HS6ST2: variants seen among roughly 807,000 people sequenced by gnomAD.
HS6ST2 encodes heparan-sulfate 6-O-sulfotransferase 2.
A neutral mutation model predicts 33.0 loss-of-function variants in HS6ST2; 17 were observed. The ratio of observed to expected loss-of-function variants is 0.52; its 90% CI spans 0.35 to 0.77. The LOEUF (loss-of-function observed/expected upper bound fraction) is 0.77. Among genes scored for constraint, HS6ST2 ranks in the 30% least tolerant of loss-of-function variants. The pLI is 0.01. For synonymous variants in HS6ST2, 248 were observed against 237.1 expected (o/e 1.05, Z -0.42); for missense variants, 519 against 551.7 (o/e 0.94, Z 0.59).
At chrX:132,836,217 T>C (rs1013407128) in intron 2 of HS6ST2, among the ~76,000 whole-genome samples, 9 of 112,155 alleles carry the variant, frequency 8.0e-5, no homozygotes, top group African/African-American at 2.6e-4. Flanking sequence ...TGCAACACTT[T>C]GTGCTGGGTT....
chrX:132,870,058 C>A (rs911186605), intron 2 of HS6ST2, among the ~76,000 whole-genome samples: 33 of 111,481 alleles, frequency 3.0e-4, no homozygotes, highest in Non-Finnish European at 5.3e-4. Context: ...TAATAAACAA[C>A]TTCAGCAAAG....
chrX:132,905,841 T>C (rs961801732), intron 2 of HS6ST2, among the ~76,000 whole-genome samples: 1 of 111,672 alleles, frequency 9.0e-6, no homozygotes, highest in African/African-American at 3.3e-5. Context: ...CTAGGCAACA[T>C]AGTGGGACAC....
intron 3 of HS6ST2, among the ~76,000 whole-genome samples, chrX:132,673,080 A>G (rs1424398211): frequency 2.7e-5 from 3 of 112,424 alleles, no homozygotes; most frequent in Non-Finnish European, 5.6e-5. Context: ...AATTTTAAGA[A>G]TTAATTTTCA....
At chrX:132,861,144 T>C (rs2065907734) in intron 2 of HS6ST2, among the ~76,000 whole-genome samples, 1 of 111,461 alleles carries the variant, frequency 9.0e-6, no homozygotes, top group African/African-American at 3.3e-5. Context: ...CAAATGTGTA[T>C]CCTGCTGTTT....
intron 2 of HS6ST2, among the ~76,000 whole-genome samples, chrX:132,775,425 A>G (rs1048312791): frequency 9.0e-6 from 1 of 111,647 alleles, no homozygotes; most frequent in Admixed American, 9.6e-5. Context: ...CTCTCACACA[A>G]TAAGAGGCAT....
At chrX:132,923,499 A>T (rs1011783693) in intron 2 of HS6ST2, among the ~76,000 whole-genome samples, 8 of 111,524 alleles carry the variant, frequency 7.2e-5, no homozygotes, top group African/African-American at 2.6e-4. Context: ...GATGTTACTA[A>T]TCCCTGTTAT....
chrX:132,910,724 T>A (rs989003465), intron 2 of HS6ST2, among the ~76,000 whole-genome samples: 3 of 111,878 alleles, frequency 2.7e-5, no homozygotes, highest in Non-Finnish European at 5.6e-5. Context: ...CTTATATTCC[T>A]TTGTTCCAGG....
At chrX:132,719,007 G>C (rs5977738) in intron 2 of HS6ST2, among the ~76,000 whole-genome samples, 54,570 of 110,124 alleles carry the variant, frequency 0.5, 10,051 homozygotes, top group Middle Eastern at 0.57. Context: ...GTTAACCAAG[G>C]GGGGGAAGAA....
At chrX:132,814,088 C>A (rs1051477592) in intron 2 of HS6ST2, among the ~76,000 whole-genome samples, 5 of 110,907 alleles carry the variant, frequency 4.5e-5, no homozygotes, top group Non-Finnish European at 9.4e-5. Flanking sequence ...GGATTACAGG[C>A]ACCCACCACC....
chrX:132,958,338 G>A lies in HS6ST2; in HGVS notation c.265C>T (p.Leu89=). The A allele has an allele frequency of 2.5e-6, 3 of 1,198,197 alleles. No individual in the cohort carries two copies. Among genetic ancestry groups the A allele is most frequent in the South Asian group, 3.5e-5 (2 of 56,494 alleles). ...AGAACAPLFA[L]LSRGRRRRMH... ...CGCCTGCGGCGGCCCCGGGACAGCA[G>A]CGCGAAAAGCGGGGCGCACGCGGCT... The change falls in exon 1 of 5, where the codon CTG becomes TTG. Residue 89 remains leucine, a synonymous_variant. Coordinates refer to ENST00000370833, the MANE Select transcript of HS6ST2 (RefSeq NM_001394073.1).
intron 2 of HS6ST2, among the ~76,000 whole-genome samples, chrX:132,928,824 A>C (rs1386006318): frequency 3.6e-5 from 4 of 111,722 alleles, no homozygotes; most frequent in Admixed American, 9.5e-5. Context: ...CACAGTAAGC[A>C]CTTCATACTG....
At chrX:132,651,375 C>A (rs990310687) in intron 4 of HS6ST2, among the ~76,000 whole-genome samples, 2 of 111,467 alleles carry the variant, frequency 1.8e-5, no homozygotes, top group African/African-American at 6.5e-5. Context: ...AACCACTTCC[C>A]CAGAGTTGAT....
chrX:132,679,131 C>T (rs1394951808), intron 3 of HS6ST2, among the ~76,000 whole-genome samples: 1 of 112,175 alleles, frequency 8.9e-6, no homozygotes, highest in African/African-American at 3.2e-5. Context: ...CCATAGCCAC[C>T]ACGGAGTACA....
chrX:132,956,652 C>T (rs1173720032), intron 2 of HS6ST2, among the ~76,000 whole-genome samples, 156 bp downstream of exon 2: 1 of 112,917 alleles, frequency 8.9e-6, no homozygotes, highest in African/African-American at 3.2e-5. Flanking sequence ...CACAGCGCGG[C>T]GAACGTGCGC....
chrX:132,865,144 C>T (rs1444753099), intron 2 of HS6ST2, among the ~76,000 whole-genome samples: 1 of 79,818 alleles, frequency 1.3e-5, no homozygotes, highest in Non-Finnish European at 2.3e-5. Context: ...CACCCCACAA[C>T]AGTCCCCAGA....
chrX:132,702,629 A>T (rs2064154351), intron 3 of HS6ST2, among the ~76,000 whole-genome samples: 1 of 112,051 alleles, frequency 8.9e-6, no homozygotes, highest in South Asian at 3.8e-4. Flanking sequence ...AGTCTGTACA[A>T]AATCAACAAA....
intron 3 of HS6ST2, among the ~76,000 whole-genome samples, chrX:132,682,752 TAA>T (rs756739469): frequency 9.2e-6 from 1 of 108,821 alleles, no homozygotes; most frequent in African/African-American, 3.3e-5. Context: ...AAGGGGGAAA[TAA>T]AACCCCAGAA....
intron 2 of HS6ST2, among the ~76,000 whole-genome samples, chrX:132,908,503 C>A (rs2066497098): frequency 8.9e-6 from 1 of 112,408 alleles, no homozygotes; most frequent in African/African-American, 3.2e-5. Flanking sequence ...ATCTGAATGT[C>A]CATCAACCAA....
intron 2 of HS6ST2, among the ~76,000 whole-genome samples, chrX:132,766,126 C>T (rs1457584303): frequency 8.9e-6 from 1 of 111,851 alleles, no homozygotes; most frequent in Non-Finnish European, 1.9e-5. Context: ...TTCAACCAGA[C>T]CCCAAGGTGA....
Sources: gnomAD v4.1 joint callset for allele counts (sites outside exome capture counted in the v4.1 genomes callset) on GRCh38, gnomAD v4.1.1 for gene constraint, MANE v1.5 for transcripts, NCBI Gene and HGNC (gene_info 2026-07-23, HGNC 2026-07-21) for gene names.